Variants in VSTM2A observed in about 807,000 individuals in gnomAD.
The protein encoded by VSTM2A is V-set and transmembrane domain containing 2A.
A neutral mutation model predicts 27.3 loss-of-function variants in VSTM2A; 13 were observed. The ratio of observed to expected loss-of-function variants is 0.48; its 90% CI spans 0.31 to 0.76. VSTM2A has a LOEUF of 0.76. Among genes scored for constraint, VSTM2A ranks in the 30% least tolerant of loss-of-function variants. VSTM2A has a pLI of 0.05. For synonymous variants in VSTM2A, 142 were observed against 125.7 expected (o/e 1.13, Z -0.87); for missense variants, 280 against 310.0 (o/e 0.90, Z 0.73).
At chr7:54,554,964 T>A (rs1380527681) in intron 4 of VSTM2A, among the ~76,000 whole-genome samples, 1 of 152,220 alleles carries the variant, frequency 6.6e-6, no homozygotes, top group Admixed American at 6.5e-5. Flanking sequence ...CATCTAAAAC[T>A]CAAATATTCA....
intron 3 of VSTM2A, among the ~76,000 whole-genome samples, chr7:54,549,420 G>A (rs958301033): frequency 6.6e-6 from 1 of 152,244 alleles, no homozygotes; most frequent in Admixed American, 6.5e-5. Flanking sequence ...ATGTCTCAGA[G>A]TTGAGGGGCT....
rs764599212 is a variant in VSTM2A at position 54,553,873 on chromosome 7, C to T, written c.634+3703C>T. ...TTCTTCCTGTCTCATCCAGTGTCTC[C>T]AATCCTTCCAGAAGTCAAACATCTC... On this transcript the variant is annotated intron_variant, in intron 4 of 4. Coordinates refer to ENST00000402613, the MANE Select transcript of VSTM2A (RefSeq NM_001301009.2). 3 of 1,551,204 alleles carry T rather than the reference C, an allele frequency of 1.9e-6. No individual in the cohort carries two copies. In the South Asian group the frequency reaches 3.6e-5, roughly 18 times the overall value.
At chr7:54,551,450 A>G (rs1404148924) in intron 4 of VSTM2A, 1 of 152,152 alleles carries the variant, frequency 6.6e-6, no homozygotes, top group Non-Finnish European at 1.5e-5. Flanking sequence ...TGCCTTGGTC[A>G]TTGCAATTTA....
intron 4 of VSTM2A, among the ~76,000 whole-genome samples, chr7:54,565,029 A>C (rs770248794): frequency 2.6e-5 from 4 of 152,220 alleles, no homozygotes; most frequent in Admixed American, 6.5e-5. Context: ...GTTATATGTG[A>C]ACTATGGTAT....
chr7:54,562,083 C>T (rs1788580620), intron 4 of VSTM2A, among the ~76,000 whole-genome samples: 1 of 151,998 alleles, frequency 6.6e-6, no homozygotes, highest in South Asian at 2.1e-4. Flanking sequence ...ACCACCACGC[C>T]CAGCTAATTT....
intron 4 of VSTM2A, among the ~76,000 whole-genome samples, chr7:54,555,829 A>C (rs1046197898): frequency 6.6e-6 from 1 of 152,126 alleles, no homozygotes; most frequent in Non-Finnish European, 1.5e-5. Flanking sequence ...ACTACTCTAG[A>C]ACTGATCAAG....
At chr7:54,547,149 AT>A in intron 3 of VSTM2A, 152 bp downstream of exon 3, 1 of 702,560 alleles carries the variant, frequency 1.4e-6, no homozygotes, top group Non-Finnish European at 2.2e-6. Context: ...ATGGAAGCAC[AT>A]TTAGAGTCCC....
At chr7:54,554,165 C>T in intron 4 of VSTM2A, 2 of 1,508,192 alleles carry the variant, frequency 1.3e-6, no homozygotes, top group Non-Finnish European at 1.8e-6. Flanking sequence ...ACATCTCGTC[C>T]TTCCCAGTCT....
intron 2 of VSTM2A, 31 bp downstream of exon 2, chr7:54,544,819 C>A: frequency 6.4e-7 from 1 of 1,565,716 alleles, no homozygotes; most frequent in Non-Finnish European, 8.7e-7. Flanking sequence ...CGCGTCTCCC[C>A]TTCGCTCGCC....
intron 1 of VSTM2A, 34 bp from the exon 2 acceptor site, chr7:54,544,587 TG>T: frequency 6.2e-7 from 1 of 1,612,512 alleles, no homozygotes; most frequent in Non-Finnish European, 8.5e-7. Context: ...AAGAGGGGTG[TG>T]GATATTCCAA....
chr7:54,550,383 C>A, intron 4 of VSTM2A: 1 of 1,361,094 alleles, frequency 7.3e-7, no homozygotes, highest in Non-Finnish European at 9.6e-7. Context: ...CCTAGTGGTG[C>A]TTCATTTCCA....
intron 4 of VSTM2A, among the ~76,000 whole-genome samples, chr7:54,555,475 T>C (rs1042701500): frequency 6.6e-6 from 1 of 152,334 alleles, no homozygotes; most frequent in Admixed American, 6.5e-5. Flanking sequence ...TATGAGTCTT[T>C]TCCTATTTGC....
At chr7:54,563,113 T>C (rs1562714416) in intron 4 of VSTM2A, among the ~76,000 whole-genome samples, 1 of 152,216 alleles carries the variant, frequency 6.6e-6, no homozygotes, top group Non-Finnish European at 1.5e-5. Flanking sequence ...ATTGTTCTCC[T>C]TTGGATTTTG....
chr7:54,542,914 C>T (rs1327703680), intron 1 of VSTM2A, 105 bp downstream of exon 1: 3 of 1,074,250 alleles, frequency 2.8e-6, no homozygotes, highest in African/African-American at 1.6e-5. Context: ...TAGCAAGTAA[C>T]AGTGGGCTTA....
chr7:54,568,962 G>A (rs1403952443), intron 4 of VSTM2A, 169 bp from the exon 5 acceptor site: 26 of 1,556,352 alleles, frequency 1.7e-5, no homozygotes, highest in South Asian at 1.2e-4. Flanking sequence ...AATAAGGAGC[G>A]TTGGAAATCT....
chr7:54,558,038 C>G (rs1348357707), intron 4 of VSTM2A: 1 of 152,110 alleles, frequency 6.6e-6, no homozygotes, highest in East Asian at 1.9e-4. Flanking sequence ...AGCTGTCTTG[C>G]CCAAGGTTGT....
At chr7:54,565,418 C>A (rs992690964) in intron 4 of VSTM2A, among the ~76,000 whole-genome samples, 1 of 152,180 alleles carries the variant, frequency 6.6e-6, no homozygotes, top group African/African-American at 2.4e-5. Context: ...AGGGATGCAG[C>A]ACTGTTCAGC....
At chr7:54,560,783 ATTAAG>A (rs1259924244) in intron 4 of VSTM2A, among the ~76,000 whole-genome samples, 7 of 152,308 alleles carry the variant, frequency 4.6e-5, no homozygotes, top group East Asian at 1.9e-4. Flanking sequence ...TAAAGATGAA[ATTAAG>A]TTAAGCAATT....
intron 4 of VSTM2A, chr7:54,551,074 T>G (rs1788176107): frequency 6.6e-6 from 1 of 151,962 alleles, no homozygotes; most frequent in African/African-American, 2.4e-5. Flanking sequence ...TCTTCAGCCA[T>G]TAAATTAAAA....
Sources: gnomAD v4.1 joint callset for allele counts (sites outside exome capture counted in the v4.1 genomes callset) on GRCh38, gnomAD v4.1.1 for gene constraint, MANE v1.5 for transcripts, NCBI Gene and HGNC (gene_info 2026-07-23, HGNC 2026-07-21) for gene names.